The following IL4I1 variants were observed in gnomAD, a reference collection of about 807,000 sequenced individuals.
IL4I1 encodes L-amino-acid oxidase.
Under a neutral mutation model 29.7 loss-of-function variants are expected in IL4I1, and 24 were observed. The ratio of observed to expected loss-of-function variants is 0.81; its 90% CI spans 0.59 to 1.14. The LOEUF is 1.14. IL4I1 is among the 50% of genes most tolerant of loss of function. IL4I1 has a pLI of 0.00. For missense variants in IL4I1, 686 were observed against 785.6 expected, an observed-to-expected ratio of 0.87 and a Z score of 1.52; for synonymous variants, 371 against 352.5, an observed-to-expected ratio of 1.05 and a Z score of -0.59.
chr19:49,901,887 C>T (rs1027517090), upstream of IL4I1: 7 of 460,392 alleles, frequency 1.5e-5, no homozygotes, highest in Non-Finnish European at 2.3e-5. Context: ...CATCTAAAAC[C>T]AGAGTGAGCA....
chr19:49,890,072 G>C lies in IL4I1; in HGVS notation c.1302C>G (p.Leu434=). ...AALHGPVVRQ[L]WDGTGVVKRW... ...GCTTGACGACGCCGGTGCCGTCCCA[G>C]AGCTGGCGCACGACAGGCCCGTGCA... The change falls in exon 8 of 8, where the codon CTC becomes CTG. Residue 434 remains leucine, a synonymous_variant. Coordinates refer to ENST00000391826, the MANE Select transcript of IL4I1 (RefSeq NM_152899.2). The C allele has an allele frequency of 1.3e-6, 2 of 1,548,862 alleles. No homozygotes were observed. Among genetic ancestry groups the C allele is most frequent in the Non-Finnish European group, 1.7e-6 (2 of 1,147,016 alleles).
At chr19:49,908,685 G>C in intron 2 of IL4I1, 1 of 1,612,148 alleles carries the variant, frequency 6.2e-7, no homozygotes, top group Non-Finnish European at 8.5e-7. Context: ...TCGCGGTGCA[G>C]GCTGGTGATC....
intron 2 of IL4I1, chr19:49,908,369 G>C: frequency 6.2e-7 from 1 of 1,614,208 alleles, no homozygotes; most frequent in Non-Finnish European, 8.5e-7. Flanking sequence ...GTCCATGTGC[G>C]CATTGAGGAT....
rs1314940323 is a variant in IL4I1, at chr19:49,921,289, G to T, written c.-228+6405C>A. On this transcript the variant is annotated intron_variant, in intron 2 of 9. Transcript: ENST00000341114. This position sits in a 1 kb window ranked among gnomAD's most constrained non-coding sequence, Gnocchi z 5.4. ...CCAGTAAGGGCTGGCCCAGGTGTCT[G>T]GCCCCACAGCTGAGCTCCTAACCGC... Among the ~76,000 whole-genome samples the T allele has an allele frequency of 2.0e-5, 3 of 152,078 alleles. No individual in the cohort carries two copies. Among genetic ancestry groups the T allele is most frequent in the African/African-American group, 7.2e-5 (3 of 41,392 alleles).
At chr19:49,917,089 T>C (rs2075644486) in intron 2 of IL4I1, among the ~76,000 whole-genome samples, 1 of 152,104 alleles carries the variant, frequency 6.6e-6, no homozygotes, top group African/African-American at 2.4e-5. Flanking sequence ...TATTTCAGAT[T>C]TGGGGGAAGT....
chr19:49,909,780 C>T, intron 2 of IL4I1: 1 of 1,614,160 alleles, frequency 6.2e-7, no homozygotes, highest in Non-Finnish European at 8.5e-7. Flanking sequence ...GTAGGGGCCC[C>T]AGTGCCTCCA....
intron 2 of IL4I1, among the ~76,000 whole-genome samples, chr19:49,922,712 A>G (rs531590522): frequency 1.8e-4 from 25 of 137,916 alleles, no homozygotes; most frequent in African/African-American, 7.4e-4. Flanking sequence ...GATCTCACAG[A>G]AAAAAAAAAA....
intron 3 of IL4I1, among the ~76,000 whole-genome samples, chr19:49,903,463 G>C (rs1346978850): frequency 1.3e-5 from 2 of 152,196 alleles, no homozygotes; most frequent in Admixed American, 1.3e-4. Flanking sequence ...ACAGGCAGGG[G>C]AACAGCCGGG....
rs1311629727 is a variant in IL4I1 at position 49,925,903 on chromosome 19, A to C, written c.-228+1791T>G. 2.0e-5 allele frequency among the ~76,000 whole-genome samples: 3 copies of C among 152,288 alleles called. No individual in the cohort carries two copies. The East Asian group carries it at 5.8e-4, about 29-fold the overall frequency. On this transcript the variant is annotated intron_variant, in intron 2 of 9. Coordinates refer to the IL4I1 transcript ENST00000341114. ...AGTCAATCTACAATTATTCCAAAAT[A>C]AAAAATTTTATTTAAAAAATAACCC... is the stretch of plus-strand genomic sequence containing the variant.
At chr19:49,907,679 C>A in intron 2 of IL4I1, 5 of 362,746 alleles carry the variant, frequency 1.4e-5, no homozygotes, top group South Asian at 1.1e-4. Context: ...ATTGAGATCA[C>A]AGGCGTCCAC....
At chr19:49,923,266 C>G (rs2075807434) in intron 2 of IL4I1, among the ~76,000 whole-genome samples, 1 of 152,226 alleles carries the variant, frequency 6.6e-6, no homozygotes, top group East Asian at 1.9e-4. Context: ...CCACCTTCAA[C>G]CCCGGCACCC....
chr19:49,914,726 GTTTTTTTTTTTTTTTT>G (rs530372497), intron 2 of IL4I1, among the ~76,000 whole-genome samples: 866 of 56,424 alleles, frequency 0.015, 18 homozygotes, highest in Non-Finnish European at 0.022. Context: ...CCAAGTCCCA[GTTTTTTTTTTTTTTTT>G]TTTTTTTTTT....
upstream of IL4I1, among the ~76,000 whole-genome samples, chr19:49,900,832 A>G (rs1451615824): frequency 6.6e-6 from 1 of 152,166 alleles, no homozygotes; most frequent in Non-Finnish European, 1.5e-5. Flanking sequence ...CCTCCCAGAT[A>G]ATGGTCTTTG....
chr19:49,926,321 G>C (rs1429902204), intron 2 of IL4I1, among the ~76,000 whole-genome samples: 1 of 151,466 alleles, frequency 6.6e-6, no homozygotes, highest in East Asian at 2.0e-4. Flanking sequence ...CCTGAAGTCA[G>C]GAGTTCAAGA....
chr19:49,923,681 G>A (rs1330715499), intron 2 of IL4I1, among the ~76,000 whole-genome samples: 1 of 152,204 alleles, frequency 6.6e-6, no homozygotes, highest in Non-Finnish European at 1.5e-5. Context: ...GGTATTTCAC[G>A]CACATTTACA....
In IL4I1 at chr19:49,890,534, A is replaced by C. The variant is rs1241931456; in HGVS notation, c.840T>G (p.Leu280=). The C allele has an allele frequency of 6.2e-7, 1 of 1,605,070 alleles. No individual in the cohort carries two copies. The highest frequency in any genetic ancestry group is 1.7e-5 in the Admixed American group (1 of 59,844). ...CCACCACGGGCGCGTTCAACAGCACAAGCCCGGACAGCGAGCTCAGCAGCG... is the reference window on the plus strand; with the variant it reads ...CCACCACGGGCGCGTTCAACAGCACCAGCCCGGACAGCGAGCTCAGCAGCG... ...PRALLSSLSG[L]VLLNAPVVAM... Residue 280 remains leucine (L), a synonymous_variant, in exon 8 of 8, where the codon CTT becomes CTG. Coordinates refer to ENST00000391826, the MANE Select transcript of IL4I1 (RefSeq NM_152899.2).
At chr19:49,916,836 A>T (rs1039334364) in intron 2 of IL4I1, among the ~76,000 whole-genome samples, 1 of 152,178 alleles carries the variant, frequency 6.6e-6, no homozygotes, top group Non-Finnish European at 1.5e-5. Flanking sequence ...TGGGAGGATG[A>T]CTTGAGCCCA....
Position 49,896,862 on chromosome 19 carries a change from C to T in IL4I1, c.-50G>A, listed in dbSNP as rs544947754. On this transcript the variant is annotated 5_prime_UTR_variant, in exon 1 of 8. Transcript: ENST00000391826. ...CCAGCTCTTGGTGACAGCAGGACAGCGCGGTCCTCTCCACTGCCCTCCACT... is the reference window on the plus strand; with the variant it reads ...CCAGCTCTTGGTGACAGCAGGACAGTGCGGTCCTCTCCACTGCCCTCCACT... The T allele has an allele frequency of 3.3e-5, 33 of 985,816 alleles. No homozygotes were observed. The South Asian group carries it at 8.5e-4, about 25-fold the overall frequency. The allele number at this position is 985,816 out of a possible 1,614,324, so 61.1% of individuals were successfully genotyped here. A position where few individuals can be genotyped will look rare whatever the true frequency, so the allele number is the denominator to read the frequency against.
intron 2 of IL4I1, chr19:49,911,359 G>A (rs2075457667): frequency 6.6e-6 from 1 of 152,220 alleles, no homozygotes; most frequent in Non-Finnish European, 1.5e-5. Flanking sequence ...AATGGAAAGA[G>A]GGAGGCCCTG....
Sources: allele counts gnomAD v4.1 joint callset (sites outside exome capture counted in the v4.1 genomes callset), GRCh38; gene constraint gnomAD v4.1.1; non-coding constraint Gnocchi (gnomAD v3.1); transcripts MANE v1.5; gene names NCBI Gene and HGNC (gene_info 2026-07-23, HGNC 2026-07-21).